The following FBRSL1 variants were observed in gnomAD, a reference collection of about 807,000 sequenced individuals.
The protein encoded by FBRSL1 is fibrosin like 1.
FBRSL1 carries 51 observed loss-of-function variants against 89.6 expected under a neutral mutation model. The ratio of observed to expected loss-of-function variants is 0.57; its 90% confidence interval spans 0.45 to 0.72. The LOEUF is 0.72. Among genes scored for constraint, FBRSL1 ranks in the 30% least tolerant of loss-of-function variants. The pLI is 0.00. For missense variants in FBRSL1, 1,618 were observed against 1,451.8 expected (o/e 1.11, Z -1.86); for synonymous variants, 779 against 681.1 (o/e 1.14, Z -2.24).
At chr12:132,568,633 C>G (rs117914924) in intron 6 of FBRSL1, among the ~76,000 whole-genome samples, 3 of 152,246 alleles carry the variant, frequency 2.0e-5, no homozygotes, top group Non-Finnish European at 4.4e-5. Context: ...CAGGTCTGTG[C>G]GGCCCAAGCC....
At position 132,499,662 on chromosome 12, in the gene FBRSL1, G is replaced by A. The variant is rs1566098231; in HGVS notation, c.292-8491G>A. Among the ~76,000 whole-genome samples the A allele has an allele frequency of 6.6e-6, 1 of 152,036 alleles. No homozygotes were observed. Among genetic ancestry groups the A allele is most frequent in the Non-Finnish European group, 1.5e-5 (1 of 67,976 alleles). On this transcript the variant is annotated intron_variant, in intron 1 of 18. Transcript: ENST00000680143. This position sits in a 1 kb window ranked among gnomAD's most constrained non-coding sequence, Gnocchi z 4.3. ...CATGTAGCAGGTGGTACAGGTTTGG[G>A]GTGCCGGTGGCAGGCAGGCTGGAGA...
chr12:132,569,851 C>T (rs943835685), intron 6 of FBRSL1, 75 bp from the exon 7 acceptor site: 11 of 1,196,318 alleles, frequency 9.2e-6, no homozygotes, highest in Non-Finnish European at 1.2e-5. Flanking sequence ...CGGGCACGTA[C>T]CAGGGCTCCC....
At chr12:132,525,152 C>T (rs1474382836) in intron 2 of FBRSL1, among the ~76,000 whole-genome samples, 1 of 152,200 alleles carries the variant, frequency 6.6e-6, no homozygotes, top group African/African-American at 2.4e-5. Context: ...AGCAGTGGCC[C>T]AAGGGCCCAT....
chr12:132,511,732 C>T, intron 2 of FBRSL1: 1 of 985,470 alleles, frequency 1.0e-6, no homozygotes, highest in Non-Finnish European at 1.2e-6. Context: ...TGCTGACCTC[C>T]AGCACCCCGC....
intron 9 of FBRSL1, 78 bp downstream of exon 9, chr12:132,571,309 C>A (rs1385433829): frequency 2.6e-6 from 4 of 1,533,680 alleles, no homozygotes; most frequent in Non-Finnish European, 3.5e-6. Context: ...TCTTGTAGAT[C>A]ACGAGCTGCT....
At chr12:132,492,438 A>G (rs529487594) in intron 1 of FBRSL1, among the ~76,000 whole-genome samples, 5 of 152,320 alleles carry the variant, frequency 3.3e-5, no homozygotes, top group Non-Finnish European at 7.4e-5. Context: ...AGAACTTGTA[A>G]GCTGAAAGAG....
intron 5 of FBRSL1, among the ~76,000 whole-genome samples, chr12:132,564,269 C>T (rs557437012): frequency 2.0e-5 from 3 of 152,312 alleles, no homozygotes; most frequent in South Asian, 4.1e-4. Flanking sequence ...CCCTGAACAG[C>T]AGCCCAGCTC....
Position 132,576,024 on chromosome 12 carries a change from G to A in FBRSL1, c.1702-775G>A, listed in dbSNP as rs138468001. Among the ~76,000 whole-genome samples, 178 of 152,322 alleles carry A rather than the reference G, an allele frequency of 1.2e-3. 1 individual carries two copies. Among genetic ancestry groups the A allele is most frequent in the African/African-American group, 4.0e-3 (165 of 41,574 alleles). On this transcript the variant is annotated intron_variant, in intron 14 of 18. Transcript: ENST00000680143. ...AAGCCTGGCCCTGCCTCCCACAGCC[G>A]CCTGGCAGCGTGGGCACCTGAAGTG... is the stretch of plus-strand genomic sequence containing the variant.
At chr12:132,543,621 GC>G (rs1049795477) in intron 4 of FBRSL1, among the ~76,000 whole-genome samples, 23 of 151,220 alleles carry the variant, frequency 1.5e-4, no homozygotes, top group African/African-American at 5.4e-4. Flanking sequence ...AAGCCCATGT[GC>G]CCCCCTACCC....
chr12:132,536,256 G>A (rs920179068), intron 4 of FBRSL1, among the ~76,000 whole-genome samples: 12 of 150,806 alleles, frequency 8.0e-5, no homozygotes, highest in South Asian at 2.1e-4. Flanking sequence ...ACATGACCTC[G>A]TGCCATGTGT....
intron 2 of FBRSL1, 123 bp downstream of exon 2, chr12:132,508,473 G>A (rs924388554): frequency 1.3e-5 from 15 of 1,189,442 alleles, no homozygotes; most frequent in African/African-American, 3.1e-5. Flanking sequence ...CGCGCCCATC[G>A]TTGTCAGGCT....
chr12:132,577,092 C>T (rs2040428524), intron 15 of FBRSL1, among the ~76,000 whole-genome samples, 161 bp downstream of exon 15: 3 of 152,156 alleles, frequency 2.0e-5, no homozygotes, highest in East Asian at 1.9e-4. Flanking sequence ...CTGGCAACTC[C>T]CTCACCTCAC....
chr12:132,493,623 T>A (rs545179198), intron 1 of FBRSL1, among the ~76,000 whole-genome samples: 47 of 152,020 alleles, frequency 3.1e-4, no homozygotes, highest in Admixed American at 4.6e-4. Flanking sequence ...TCTGTACCTG[T>A]TTTGTGCCCC....
At chr12:132,574,418 C>G (rs893421015) in intron 13 of FBRSL1, 70 bp downstream of exon 13, 1 of 1,548,250 alleles carries the variant, frequency 6.5e-7, no homozygotes, top group Non-Finnish European at 8.7e-7. Flanking sequence ...TCGGGGGGCC[C>G]GTGACAGCAG....
intron 4 of FBRSL1, among the ~76,000 whole-genome samples, chr12:132,538,307 G>A (rs2036934730): frequency 6.6e-6 from 1 of 152,244 alleles, no homozygotes; most frequent in South Asian, 2.1e-4. Flanking sequence ...GTTCAGAAAT[G>A]CATCGGGAGA....
rs1190888019 is a variant in FBRSL1 at position 132,576,853 on chromosome 12, G to A, written c.1756G>A (p.Gly586Ser). ...LEVGAKLDLF[G>S]RPPAPGVFAG... The stretch of plus-strand genomic sequence containing the variant: ...GGTGGGTGCAAAGCTGGACCTGTTC[G>A]GCAGACCCCCTGCCCCGGGCGTGTT... The change falls in exon 15 of 19, where the codon GGC becomes AGC. Residue 586 changes from glycine to serine, a missense_variant. By Grantham distance (56) the Gly-to-Ser change is moderately conservative. Transcript: ENST00000680143. 3.5e-5 allele frequency: 54 copies of A among 1,550,844 alleles called. No individual in the cohort carries two copies. Among genetic ancestry groups the A allele is most frequent in the Non-Finnish European group, 4.4e-5 (50 of 1,146,908 alleles).
intron 16 of FBRSL1, 98 bp downstream of exon 16, chr12:132,581,614 G>A (rs2040754711): frequency 6.7e-6 from 10 of 1,495,288 alleles, no homozygotes; most frequent in Non-Finnish European, 7.3e-6. Flanking sequence ...CCGAGCCCCA[G>A]GGAGCCCCTT....
At chr12:132,562,088 G>A (rs980416938) in intron 5 of FBRSL1, among the ~76,000 whole-genome samples, 12 of 152,148 alleles carry the variant, frequency 7.9e-5, no homozygotes, top group African/African-American at 2.7e-4. Context: ...TGTTTCTCTC[G>A]GAGTCCTTCC....
At chr12:132,545,967 C>T (rs1171946588) in intron 4 of FBRSL1, among the ~76,000 whole-genome samples, 4 of 152,212 alleles carry the variant, frequency 2.6e-5, no homozygotes, top group Non-Finnish European at 5.9e-5. Context: ...TGCCTCCTGT[C>T]CCACCTCCAG....
Sources: allele counts gnomAD v4.1 joint callset (sites outside exome capture counted in the v4.1 genomes callset), GRCh38; gene constraint gnomAD v4.1.1; non-coding constraint Gnocchi (gnomAD v3.1); transcripts MANE v1.5; gene names NCBI Gene and HGNC (gene_info 2026-07-23, HGNC 2026-07-21).